The following CILP variants were observed in gnomAD, a reference collection of about 807,000 sequenced individuals.
CILP encodes the protein cartilage intermediate layer protein 1.
CILP carries 75 observed loss-of-function variants against 82.5 expected under a neutral mutation model. That is an observed-to-expected ratio of 0.91 (90% CI 0.75 to 1.10). The LOEUF (loss-of-function observed/expected upper bound fraction) is 1.10, where lower values mean the gene tolerates loss of function less well. CILP is among the 50% of genes least tolerant of loss of function. The pLI, the probability that CILP is intolerant of heterozygous loss-of-function variation, is 0.00. For missense variants in CILP, 1,479 were observed against 1,530.8 expected (o/e 0.97, Z 0.56); for synonymous variants, 530 against 580.3 (o/e 0.91, Z 1.25).
At position 65,196,616 on chromosome 15, in the gene CILP, C is replaced by T. The variant is rs745857532; in HGVS notation, c.*115G>A. Reference sequence around the variant, plus strand: ...GTAAGTAAAGGCATGAAGAAACAAACAAGCAAATTCACGAAAACAGAAGTG... The same window carrying T: ...GTAAGTAAAGGCATGAAGAAACAAATAAGCAAATTCACGAAAACAGAAGTG... On this transcript the variant is annotated 3_prime_UTR_variant, in exon 9 of 9. Coordinates refer to ENST00000261883, the MANE Select transcript of CILP (RefSeq NM_003613.4). The T allele has an allele frequency of 1.9e-4, 186 of 958,740 alleles. No individual in the cohort carries two copies. The highest frequency in any genetic ancestry group is 2.7e-4 in the Non-Finnish European group (177 of 664,570). 59.4% of individuals were successfully genotyped at this position (958,740 alleles called of 1,614,324 possible). A position where few individuals can be genotyped will look rare whatever the true frequency, so the allele number is the denominator to read the frequency against.
chr15:65,199,167 C>G, intron 8 of CILP, 68 bp from the exon 9 acceptor site: 1 of 1,069,208 alleles, frequency 9.4e-7, no homozygotes, highest in Non-Finnish European at 1.4e-6. Context: ...ACCTCAACCT[C>G]ACCTCTCTAC....
At position 65,197,047 on chromosome 15, in the gene CILP, G is replaced by GT; in HGVS notation, c.3238dup (p.Thr1080AsnfsTer2). 6.2e-7 allele frequency: 1 copy of GT among 1,614,218 alleles called. No individual in the cohort carries two copies. The highest frequency in any genetic ancestry group is 8.5e-7 in the Non-Finnish European group (1 of 1,180,042). On this transcript the variant is annotated frameshift_variant, in exon 9 of 9. Coordinates refer to ENST00000261883, the MANE Select transcript of CILP (RefSeq NM_003613.4). LOFTEE classifies it high-confidence loss of function. The stretch of plus-strand genomic sequence containing the variant: ...CTTGGCCGTGCGAGGGTCCTGGTCA[G>GT]TGACAGTGTAGATGCCATAGTTGTG...
At chr15:65,206,537 G>A (rs1399092630) in intron 4 of CILP, among the ~76,000 whole-genome samples, 7 of 152,070 alleles carry the variant, frequency 4.6e-5, no homozygotes, top group African/African-American at 1.7e-4. Flanking sequence ...TAATAAAATA[G>A]GTTGAATAGA....
In CILP at chr15:65,197,402, C is replaced by T. The variant is rs755794574; in HGVS notation, c.2884G>A (p.Gly962Arg). 6.2e-7 allele frequency: 1 copy of T among 1,614,252 alleles called. No homozygotes were observed. The highest frequency in any genetic ancestry group is 1.1e-5 in the South Asian group (1 of 91,090). ...RACYIKVKIV[G>R]PLEVNVRSRN... ...GATCGCACATTCACTTCCAGTGGCC[C>T]CACAATCTTCACCTTGATATAGCAG... is the stretch of plus-strand genomic sequence containing the variant. Residue 962 changes from glycine to arginine, a missense_variant, in exon 9 of 9, where the codon GGG becomes AGG. Coordinates refer to ENST00000261883, the MANE Select transcript of CILP (RefSeq NM_003613.4).
chr15:65,202,842 T>TC (rs2088475402), intron 7 of CILP, among the ~76,000 whole-genome samples: 1 of 149,256 alleles, frequency 6.7e-6, no homozygotes, highest in African/African-American at 2.5e-5. Context: ...AGCTTTTTTT[T>TC]TTTTTTTTTT....
intron 2 of CILP, among the ~76,000 whole-genome samples, chr15:65,208,349 C>T (rs1439078239): frequency 6.6e-6 from 1 of 152,114 alleles, no homozygotes; most frequent in African/African-American, 2.4e-5. Flanking sequence ...GTTACTTAAC[C>T]CAGCTGACCC....
chr15:65,201,395 C>T (rs2088449729), intron 8 of CILP, among the ~76,000 whole-genome samples: 1 of 151,974 alleles, frequency 6.6e-6, no homozygotes, highest in Non-Finnish European at 1.5e-5. Context: ...CAGATCTGTA[C>T]CATCGTTATG....
Position 65,197,047 on chromosome 15 carries a change from G to A in CILP, c.3239C>T (p.Thr1080Ile), listed in dbSNP as rs200273920. ...LGHNYGIYTV[T>I]DQDPRTAKEI... ...CTTGGCCGTGCGAGGGTCCTGGTCA[G>A]TGACAGTGTAGATGCCATAGTTGTG... The change falls in exon 9 of 9, where the codon ACT becomes ATT. Residue 1080 changes from threonine (T) to isoleucine (I), a missense_variant. Thr to Ile is a moderately conservative substitution (Grantham distance 89). Transcript: ENST00000261883. The A allele has an allele frequency of 3.1e-6, 5 of 1,614,218 alleles. No homozygotes were observed. In the East Asian group the frequency reaches 1.1e-4, roughly 36 times the overall value.
chr15:65,208,719 G>C (rs1343828044), intron 2 of CILP, among the ~76,000 whole-genome samples: 7 of 152,202 alleles, frequency 4.6e-5, no homozygotes, highest in African/African-American at 2.4e-5. Flanking sequence ...GGAGAATGCG[G>C]AGCAGAGGGC....
rs1192290228 is a variant in CILP, at chr15:65,196,961, T to G, written c.3325A>C (p.Ser1109Arg). The change falls in exon 9 of 9, where the codon AGC (serine) becomes CGC (arginine). Residue 1109 changes from serine (S) to arginine (R), a missense_variant. Ser to Arg is a moderately radical substitution (Grantham distance 110). Transcript: ENST00000261883. Reference sequence around the variant, plus strand: ...AAGGTGAGGGCTACTCCCACATTGCTCTTCATGATTCTGGAGGAGCCATCG... The same window carrying G: ...AAGGTGAGGGCTACTCCCACATTGCGCTTCATGATTCTGGAGGAGCCATCG... Reference protein sequence around the residue: ...TSDGSSRIMKSNVGVALTFNC... With the variant: ...TSDGSSRIMKRNVGVALTFNC... 3.1e-6 allele frequency: 5 copies of G among 1,613,918 alleles called. No individual in the cohort carries two copies. The highest frequency in any genetic ancestry group is 4.2e-6 in the Non-Finnish European group (5 of 1,179,966).
At chr15:65,202,430 ATT>A (rs111303890) in intron 7 of CILP, among the ~76,000 whole-genome samples, 5 of 144,670 alleles carry the variant, frequency 3.5e-5, no homozygotes, top group African/African-American at 1.3e-4. Context: ...CCTTGTTTGC[ATT>A]TTTTTTTTTT....
rs185923499 is a variant in CILP, at chr15:65,197,932, C to T, written c.2354G>A (p.Gly785Asp). Residue 785 changes from glycine (G) to aspartate (D), a missense_variant, in exon 9 of 9, where the codon GGC becomes GAC. Transcript: ENST00000261883. The part of the protein sequence containing the change: ...ISVINLEPRT[G>D]FLSNPRAWGR... Reference sequence around the variant, plus strand: ...CCAGGCCCTAGGGTTGGACAAGAAGCCAGTTCTAGGCTCCAGGTTAATCAC... The same window carrying T: ...CCAGGCCCTAGGGTTGGACAAGAAGTCAGTTCTAGGCTCCAGGTTAATCAC... 46 of 1,614,104 alleles carry T rather than the reference C, an allele frequency of 2.8e-5. No individual in the cohort carries two copies. The highest frequency in any genetic ancestry group is 1.9e-5 in the Non-Finnish European group (22 of 1,180,010).
At chr15:65,203,112 C>T (rs2088478011) in intron 7 of CILP, among the ~76,000 whole-genome samples, 1 of 152,168 alleles carries the variant, frequency 6.6e-6, no homozygotes, top group Non-Finnish European at 1.5e-5. Flanking sequence ...GCTGGGATTA[C>T]AGGCGTGAGC....
In CILP at chr15:65,207,061, A is replaced by G; in HGVS notation, c.155-10T>C. 1 of 1,605,680 alleles carries G rather than the reference A, an allele frequency of 6.2e-7. No individual in the cohort carries two copies. The highest frequency in any genetic ancestry group is 8.5e-7 in the Non-Finnish European group (1 of 1,174,792). On this transcript the variant is annotated splice_polypyrimidine_tract_variant and intron_variant, in intron 3 of 8. Coordinates refer to ENST00000261883, the MANE Select transcript of CILP (RefSeq NM_003613.4). ...GTCCACTCACCAGGGCCTGAGAGACATAGCCAAATTGCGGAGGAGCCGTGA... is the reference window on the plus strand; with the variant it reads ...GTCCACTCACCAGGGCCTGAGAGACGTAGCCAAATTGCGGAGGAGCCGTGA...
Position 65,197,769 on chromosome 15 carries a change from A to G in CILP, c.2517T>C (p.Ser839=), listed in dbSNP as rs767321452. 3 of 1,612,794 alleles carry G rather than the reference A, an allele frequency of 1.9e-6. No individual in the cohort carries two copies. Among genetic ancestry groups the G allele is most frequent in the Non-Finnish European group, 2.5e-6 (3 of 1,180,014 alleles). Residue 839 remains serine, a synonymous_variant, in exon 9 of 9, where the codon TCT becomes TCC. Transcript: ENST00000261883. ...AGEELQAVES[S]PKFNPNAIGV... is the part of the protein sequence containing the mutation. ...CAATTGCATTTGGGTTGAATTTAGGAGAAGACTCCACTGCTTGCAGTTCCT... is the reference window on the plus strand; with the variant it reads ...CAATTGCATTTGGGTTGAATTTAGGGGAAGACTCCACTGCTTGCAGTTCCT...
Position 65,201,602 on chromosome 15 carries a change from G to A in CILP, c.1186+270C>T, listed in dbSNP as rs551518793. Among the ~76,000 whole-genome samples, 497 of 151,936 alleles carry A rather than the reference G, an allele frequency of 3.3e-3. 2 individuals are homozygous for A. Among genetic ancestry groups the A allele is most frequent in the Non-Finnish European group, 5.4e-3 (365 of 67,954 alleles). Reference sequence around the variant, plus strand: ...AAATTAGCCAGATGTGGTGGTGCACGCCTGTAATCCCAGCTATTCAGGAGG... The same window carrying A: ...AAATTAGCCAGATGTGGTGGTGCACACCTGTAATCCCAGCTATTCAGGAGG... On this transcript the variant is annotated intron_variant, in intron 8 of 8. Coordinates refer to ENST00000261883, the MANE Select transcript of CILP (RefSeq NM_003613.4).
Position 65,198,402 on chromosome 15 carries a change from A to T in CILP, c.1884T>A (p.Asp628Glu). The T allele has an allele frequency of 6.2e-7, 1 of 1,614,174 alleles. No individual in the cohort carries two copies. The change falls in exon 9 of 9, where the codon GAT becomes GAA. Residue 628 changes from aspartate (D) to glutamate (E), a missense_variant. Coordinates refer to ENST00000261883, the MANE Select transcript of CILP (RefSeq NM_003613.4). ...CTGTGGCTGTGGAAATATTCCGGGG[A>T]TCCAGGAAGGTCACACTGGCCTTCA... is the stretch of plus-strand genomic sequence containing the variant. ...GKVKASVTFL[D>E]PRNISTATAA...
Position 65,198,880 on chromosome 15 carries a change from C to T in CILP, c.1406G>A (p.Gly469Asp). ...KTEEREIQCS[G>D]YTLPTKVAKE... The stretch of plus-strand genomic sequence containing the variant: ...GGCCACCTTGGTGGGTAGCGTGTAG[C>T]CACTGCACTGGATCTCCCTTTCCTC... The change falls in exon 9 of 9, where the codon GGC (glycine) becomes GAC (aspartate). Residue 469 changes from glycine to aspartate, a missense_variant. Transcript: ENST00000261883. 1 of 1,614,018 alleles carries T rather than the reference C, an allele frequency of 6.2e-7. No individual in the cohort carries two copies. Among genetic ancestry groups the T allele is most frequent in the Non-Finnish European group, 8.5e-7 (1 of 1,179,952 alleles).
At chr15:65,208,209 C>T (rs1475101603) in intron 2 of CILP, among the ~76,000 whole-genome samples, 3 of 152,142 alleles carry the variant, frequency 2.0e-5, no homozygotes, top group Non-Finnish European at 4.4e-5. Context: ...TATTTATTCC[C>T]ATCTCGCAGG....
Sources: allele counts gnomAD v4.1 joint callset (sites outside exome capture counted in the v4.1 genomes callset), GRCh38; gene constraint gnomAD v4.1.1; transcripts MANE v1.5; gene names NCBI Gene and HGNC (gene_info 2026-07-23, HGNC 2026-07-21).